TRHDE: variants seen among roughly 807,000 people sequenced by gnomAD.
TRHDE encodes thyrotropin-releasing hormone-degrading ectoenzyme.
Under a neutral mutation model 125.7 loss-of-function variants are expected in TRHDE, and 72 were observed. The observed-to-expected ratio is 0.57, with a 90% confidence interval of 0.47 to 0.70. The LOEUF is 0.70. Ranked by LOEUF, TRHDE falls within the 30% of genes least tolerant of loss-of-function variation. The pLI is 0.00. For missense variants in TRHDE, 1,110 were observed against 1,327.1 expected (o/e 0.84, Z 2.54); for synonymous variants, 509 against 509.1 (o/e 1.00, Z 0.00).
chr12:72,281,078 G>A (rs979863774), intron 1 of TRHDE, among the ~76,000 whole-genome samples: 2 of 152,116 alleles, frequency 1.3e-5, no homozygotes, highest in Non-Finnish European at 2.9e-5. Context: ...AAACAATTAT[G>A]AATATTATGC....
chr12:72,489,763 C>T (rs1041453078), intron 5 of TRHDE, among the ~76,000 whole-genome samples: 1 of 151,568 alleles, frequency 6.6e-6, no homozygotes, highest in Admixed American at 6.6e-5. Flanking sequence ...GTCTTTAATA[C>T]ATGGTGCTGA....
intron 2 of TRHDE, among the ~76,000 whole-genome samples, chr12:72,179,222 G>C (rs1348554153): frequency 6.6e-6 from 1 of 152,080 alleles, no homozygotes; most frequent in Non-Finnish European, 1.5e-5. Flanking sequence ...GATTTAATAA[G>C]ACACAGAAAC....
chr12:72,243,144 T>A (rs1243552522), intron 2 of TRHDE, among the ~76,000 whole-genome samples: 1 of 152,222 alleles, frequency 6.6e-6, no homozygotes, highest in African/African-American at 2.4e-5. Context: ...GAAAAGAACC[T>A]GGTCTTTGAT....
chr12:72,635,717 A>G (rs1873713877), intron 15 of TRHDE, among the ~76,000 whole-genome samples: 2 of 150,872 alleles, frequency 1.3e-5, no homozygotes, highest in Admixed American at 6.6e-5. Context: ...AGCTTTCTAC[A>G]TATGGCTAGC....
intron 12 of TRHDE, among the ~76,000 whole-genome samples, chr12:72,593,447 C>CA (rs1871779994): frequency 6.6e-6 from 1 of 151,882 alleles, no homozygotes; most frequent in Non-Finnish European, 1.5e-5. Flanking sequence ...TTCAGTGATA[C>CA]ATTTATGCTC....
intron 2 of TRHDE, among the ~76,000 whole-genome samples, chr12:72,125,835 C>T (rs1875700160): frequency 6.6e-6 from 1 of 152,132 alleles, no homozygotes; most frequent in African/African-American, 2.4e-5. Context: ...CTATGATTTG[C>T]CCAGCTTTCC....
intron 2 of TRHDE, among the ~76,000 whole-genome samples, chr12:72,350,531 T>C (rs967557975): frequency 3.9e-5 from 6 of 152,046 alleles, no homozygotes; most frequent in South Asian, 2.1e-4. Flanking sequence ...GAGTAACAGA[T>C]TGATACCAAA....
intron 2 of TRHDE, among the ~76,000 whole-genome samples, chr12:72,344,424 G>GA (rs1462479961): frequency 6.6e-6 from 1 of 152,080 alleles, no homozygotes; most frequent in Admixed American, 6.6e-5. Context: ...TGCTGCTGAG[G>GA]AAGTTAAAGC....
intron 5 of TRHDE, among the ~76,000 whole-genome samples, chr12:72,489,177 T>C (rs1877544577): frequency 6.8e-6 from 1 of 146,842 alleles, no homozygotes; most frequent in South Asian, 2.1e-4. Context: ...AAATACAGAA[T>C]GGAAAAACCA....
intron 5 of TRHDE, among the ~76,000 whole-genome samples, chr12:72,478,367 G>C (rs1323568709): frequency 6.6e-6 from 1 of 152,086 alleles, no homozygotes; most frequent in Non-Finnish European, 1.5e-5. Context: ...CCTCTTCTCT[G>C]ACTGCGTTTT....
intron 15 of TRHDE, among the ~76,000 whole-genome samples, chr12:72,637,666 C>G (rs956256859): frequency 1.3e-5 from 2 of 152,178 alleles, no homozygotes; most frequent in African/African-American, 4.8e-5. Flanking sequence ...CCTCTACACA[C>G]TGCTTTGAAT....
chr12:72,638,589 C>A (rs1280033246), intron 15 of TRHDE, among the ~76,000 whole-genome samples: 4 of 151,882 alleles, frequency 2.6e-5, no homozygotes, highest in Non-Finnish European at 4.4e-5. Context: ...GATGCAGTTT[C>A]TTCCTAGTCT....
In TRHDE at chr12:72,210,171, G is replaced by GATCTATCTATCTATCT. The variant is rs3086840; in HGVS notation, n.279+104441_279+104456dup. ...CAATGATTTTAAGTTCTATAAGATT[G>GATCTATCTATCTATCT]ATCTATCTATCTATCTATCTATCTA... On this transcript the variant is annotated intron_variant and non_coding_transcript_variant, in intron 2 of 4. Coordinates refer to the TRHDE transcript ENST00000548156. Among the ~76,000 whole-genome samples the GATCTATCTATCTATCT allele has an allele frequency of 3.7e-3, 538 of 146,422 alleles. 1 individual carries two copies. The highest frequency in any genetic ancestry group is 8.6e-3 in the Admixed American group (128 of 14,820).
At chr12:72,376,825 T>C (rs780609119) in intron 2 of TRHDE, among the ~76,000 whole-genome samples, 4 of 152,158 alleles carry the variant, frequency 2.6e-5, no homozygotes, top group Admixed American at 6.5e-5. Context: ...AGTACAAATT[T>C]CTTTTTTTAT....
At chr12:72,631,063 ATCCTATTTAAT>A (rs1565816320) in intron 15 of TRHDE, among the ~76,000 whole-genome samples, 1 of 151,014 alleles carries the variant, frequency 6.6e-6, no homozygotes, top group African/African-American at 2.4e-5. Context: ...ACCTTATTTT[ATCCTATTTAAT>A]AGGATATTAT....
intron 2 of TRHDE, among the ~76,000 whole-genome samples, chr12:72,305,122 G>C (rs1868320750): frequency 6.6e-6 from 1 of 152,060 alleles, no homozygotes; most frequent in African/African-American, 2.4e-5. Flanking sequence ...TCTTAATTAT[G>C]GGAAATAGTT....
chr12:72,225,461 A>G (rs1190319575), intron 2 of TRHDE, among the ~76,000 whole-genome samples: 1 of 152,202 alleles, frequency 6.6e-6, no homozygotes, highest in African/African-American at 2.4e-5. Context: ...GCCAGTGGAA[A>G]GACAGAAGAA....
At chr12:72,232,605 G>C (rs1245618977) in intron 2 of TRHDE, among the ~76,000 whole-genome samples, 1 of 152,078 alleles carries the variant, frequency 6.6e-6, no homozygotes, top group Non-Finnish European at 1.5e-5. Context: ...CTAGAATCAG[G>C]AGAAGGGTCT....
intron 15 of TRHDE, among the ~76,000 whole-genome samples, chr12:72,625,133 A>G (rs937768315): frequency 3.3e-5 from 5 of 151,924 alleles, no homozygotes; most frequent in East Asian, 3.9e-4. Flanking sequence ...TTAAAACACA[A>G]TGTTGTACAG....
Sources: gnomAD v4.1 joint callset for allele counts (sites outside exome capture counted in the v4.1 genomes callset) on GRCh38, gnomAD v4.1.1 for gene constraint, MANE v1.5 for transcripts, NCBI Gene and HGNC (gene_info 2026-07-23, HGNC 2026-07-21) for gene names.